The following MCUB variants were observed in gnomAD, a reference collection of about 807,000 sequenced individuals.
The protein encoded by MCUB is mitochondrial calcium uniporter dominant negative subunit beta, also known as calcium uniporter regulatory subunit MCUb, mitochondrial.
Under a neutral mutation model 41.4 loss-of-function variants are expected in MCUB, and 46 were observed. The observed-to-expected ratio is 1.11, with a 90% CI of 0.88 to 1.42. The LOEUF is 1.42. Among genes scored for constraint, MCUB ranks in the 40% most tolerant of loss-of-function variants. MCUB has a pLI of 0.00. For missense variants in MCUB, 403 were observed against 404.9 expected (o/e 1.00, Z 0.04); for synonymous variants, 148 against 148.2 (o/e 1.00, Z 0.01).
chr4:109,670,641 G>A (rs374982741), intron 4 of MCUB, among the ~76,000 whole-genome samples: 10 of 151,950 alleles, frequency 6.6e-5, no homozygotes, highest in South Asian at 2.1e-4. Flanking sequence ...GCTTGAACCC[G>A]GAAGGCGGAA....
At chr4:109,619,007 C>T (rs1728190485) in intron 1 of MCUB, among the ~76,000 whole-genome samples, 1 of 140,322 alleles carries the variant, frequency 7.1e-6, no homozygotes, top group Admixed American at 7.2e-5. Context: ...AACCTACCTA[C>T]CTACCTACCT....
chr4:109,619,011 C>T (rs542112805), intron 1 of MCUB, among the ~76,000 whole-genome samples: 7 of 121,124 alleles, frequency 5.8e-5, no homozygotes, highest in South Asian at 6.1e-4. Flanking sequence ...TACCTACCTA[C>T]CTACCTATCT....
intron 1 of MCUB, among the ~76,000 whole-genome samples, chr4:109,608,495 T>TGTTTC (rs969025741): frequency 6.6e-6 from 1 of 151,810 alleles, no homozygotes; most frequent in Admixed American, 6.6e-5. Context: ...GGTTTTGTTT[T>TGTTTC]GTTTTGTTTT....
intron 1 of MCUB, among the ~76,000 whole-genome samples, chr4:109,580,257 A>G (rs891437743): frequency 4.6e-5 from 7 of 152,024 alleles, no homozygotes; most frequent in African/African-American, 1.5e-4. Context: ...TATGTGCCAC[A>G]TTTTCTTAAT....
Position 109,687,622 on chromosome 4 carries a change from C to G in MCUB, c.*30C>G. ...ACAGTTTTAAATGTCGTCAGATTTT[C>G]CATTATGTATTGATTTTGCAACTTA... is the stretch of plus-strand genomic sequence containing the variant. On this transcript the variant is annotated 3_prime_UTR_variant, in exon 8 of 8. Transcript: ENST00000394650. 6.9e-7 allele frequency: 1 copy of G among 1,452,646 alleles called. No individual in the cohort carries two copies. The highest frequency in any genetic ancestry group is 9.6e-7 in the Non-Finnish European group (1 of 1,039,270). 90.0% of individuals were successfully genotyped at this position (1,452,646 alleles called of 1,614,324 possible). A position where few individuals can be genotyped will look rare whatever the true frequency, so the allele number is the denominator to read the frequency against.
chr4:109,564,688 A>G (rs1472746156), intron 1 of MCUB, among the ~76,000 whole-genome samples: 2 of 152,238 alleles, frequency 1.3e-5, no homozygotes, highest in East Asian at 3.8e-4. Context: ...ATGTAAAATC[A>G]ACACATCTGG....
intron 1 of MCUB, among the ~76,000 whole-genome samples, chr4:109,621,747 C>T (rs1431186222): frequency 5.3e-5 from 8 of 152,238 alleles, no homozygotes; most frequent in African/African-American, 1.9e-4. Flanking sequence ...AATGTTAAGT[C>T]ACAAAATTAT....
At chr4:109,630,445 C>T (rs735642) in intron 1 of MCUB, among the ~76,000 whole-genome samples, 2 of 151,938 alleles carry the variant, frequency 1.3e-5, no homozygotes, top group Non-Finnish European at 2.9e-5. Context: ...CTGGGTGACA[C>T]AGTGAGACCC....
At chr4:109,641,865 T>C (rs1046735923) in intron 1 of MCUB, among the ~76,000 whole-genome samples, 8 of 152,242 alleles carry the variant, frequency 5.3e-5, no homozygotes, top group Admixed American at 1.3e-4. Context: ...ACTACCTTCA[T>C]GTAGTTCCCA....
chr4:109,666,683 T>C (rs1040836946), intron 4 of MCUB, among the ~76,000 whole-genome samples: 1 of 152,200 alleles, frequency 6.6e-6, no homozygotes, highest in Non-Finnish European at 1.5e-5. Context: ...ATAACGGTCT[T>C]GTATCAGATA....
chr4:109,626,548 C>A (rs919488888), intron 1 of MCUB, among the ~76,000 whole-genome samples: 5 of 151,958 alleles, frequency 3.3e-5, no homozygotes, highest in East Asian at 1.9e-4. Flanking sequence ...CGCAGTGGCT[C>A]ATGCCTGTAA....
At chr4:109,671,404 A>C (rs1056482271) in intron 4 of MCUB, among the ~76,000 whole-genome samples, 1 of 151,996 alleles carries the variant, frequency 6.6e-6, no homozygotes, top group Non-Finnish European at 1.5e-5. Context: ...ATATTTTGTT[A>C]GGTTTTTTTT....
At position 109,588,470 on chromosome 4, in the gene MCUB, G is replaced by T. The variant is rs113941148; in HGVS notation, c.99+28034G>T. On this transcript the variant is annotated intron_variant, in intron 1 of 7. Coordinates refer to ENST00000394650, the MANE Select transcript of MCUB (RefSeq NM_017918.5). ...CTGTGCCAGCTAATCTGACATTTCA[G>T]TGTTTCCTGTGGAGATTTTGATGTT... Among the ~76,000 whole-genome samples the T allele has an allele frequency of 8.0e-3, 1,219 of 152,302 alleles. 23 individuals carry two copies. The highest frequency in any genetic ancestry group is 0.028 in the African/African-American group (1,155 of 41,552).
At position 109,664,343 on chromosome 4, in the gene MCUB, T is replaced by C. The variant is rs771732850; in HGVS notation, c.400T>C (p.Phe134Leu). The C allele has an allele frequency of 3.2e-6, 5 of 1,581,128 alleles. No homozygotes were observed. Among genetic ancestry groups the C allele is most frequent in the Non-Finnish European group, 4.3e-6 (5 of 1,150,178 alleles). The change falls in exon 4 of 8, where the codon TTT becomes CTT. Residue 134 changes from phenylalanine (F) to leucine (L), a missense_variant. Physicochemically the swap from Phe to Leu is conservative, Grantham distance 22. Transcript: ENST00000394650. The part of the protein sequence containing the change: ...TLMDILLMND[F>L]KLVINKIAYD... ...GATGGATATTTTGCTAATGAATGAT[T>C]TTAAACTTGTCATTAATAAAATAGC...
At chr4:109,659,372 T>G (rs1729175683) in intron 2 of MCUB, among the ~76,000 whole-genome samples, 1 of 152,104 alleles carries the variant, frequency 6.6e-6, no homozygotes, top group Non-Finnish European at 1.5e-5. Flanking sequence ...GGCGGATCAC[T>G]TCAGCTCAGG....
chr4:109,589,634 C>T (rs1727384775), intron 1 of MCUB, among the ~76,000 whole-genome samples: 1 of 152,132 alleles, frequency 6.6e-6, no homozygotes, highest in South Asian at 2.1e-4. Flanking sequence ...CACACAAATT[C>T]CTGGTTAAGC....
rs536238714 is a variant in MCUB, at chr4:109,576,715, T to G, written c.99+16279T>G. Among the ~76,000 whole-genome samples the G allele has an allele frequency of 6.6e-5, 10 of 152,282 alleles. No homozygotes were observed. In the East Asian group the frequency reaches 1.9e-3, roughly 29 times the overall value. ...GGGAAGTTTATACACAAAGGATGAT[T>G]CACAGAGATGTGGGCGCAGGGGAAC... On this transcript the variant is annotated intron_variant, in intron 1 of 7. Transcript: ENST00000394650.
At chr4:109,661,276 G>C (rs1486428321) in intron 3 of MCUB, among the ~76,000 whole-genome samples, 1 of 152,060 alleles carries the variant, frequency 6.6e-6, no homozygotes, top group Non-Finnish European at 1.5e-5. Context: ...CTACATAGCA[G>C]CTGCAAATAT....
chr4:109,674,773 A>G (rs1729535760), intron 4 of MCUB, among the ~76,000 whole-genome samples: 1 of 152,264 alleles, frequency 6.6e-6, no homozygotes, highest in Non-Finnish European at 1.5e-5. Flanking sequence ...CTGCTGATAT[A>G]TTAGAATAAT....
Sources: allele counts gnomAD v4.1 joint callset (sites outside exome capture counted in the v4.1 genomes callset), GRCh38; gene constraint gnomAD v4.1.1; transcripts MANE v1.5; gene names NCBI Gene and HGNC (gene_info 2026-07-23, HGNC 2026-07-21).